The following CLYBL variants were observed in gnomAD, a reference collection of about 807,000 sequenced individuals.
CLYBL encodes the protein citramalyl-CoA lyase.
In CLYBL, 31 loss-of-function variants were observed where a neutral mutation model predicts 38.9. The observed-to-expected ratio is 0.80, with a 90% confidence interval of 0.60 to 1.08. The LOEUF (loss-of-function observed/expected upper bound fraction) is 1.08. CLYBL is among the 50% of genes least tolerant of loss of function. The pLI, the probability that CLYBL is intolerant of heterozygous loss-of-function variation, is 0.00. For missense variants in CLYBL, 434 were observed against 411.6 expected, an observed-to-expected ratio of 1.05 and a Z score of -0.47; for synonymous variants, 171 against 158.6, an observed-to-expected ratio of 1.08 and a Z score of -0.59.
intron 2 of CLYBL, among the ~76,000 whole-genome samples, chr13:99,818,415 C>T (rs987881175): frequency 2.0e-5 from 3 of 149,312 alleles, no homozygotes; most frequent in Non-Finnish European, 3.0e-5. Flanking sequence ...CCACTGGCAG[C>T]CAGGACCCCT....
chr13:99,788,118 C>A (rs2049837534), intron 2 of CLYBL, among the ~76,000 whole-genome samples: 1 of 152,170 alleles, frequency 6.6e-6, no homozygotes, highest in African/African-American at 2.4e-5. Context: ...ATGGAGTTTT[C>A]TAAATATACA....
intron 7 of CLYBL, 48 bp from the exon 8 acceptor site, chr13:99,891,270 T>C: frequency 7.4e-7 from 1 of 1,351,458 alleles, no homozygotes; most frequent in Non-Finnish European, 1.1e-6. Flanking sequence ...AAAGGAAACC[T>C]ATAATTTCGA....
At chr13:99,692,305 T>G (rs2047917980) in intron 1 of CLYBL, among the ~76,000 whole-genome samples, 1 of 150,430 alleles carries the variant, frequency 6.6e-6, no homozygotes. Context: ...TTTTTGTTTG[T>G]TTTTTTGAGA....
chr13:99,806,571 G>A (rs1278816393), intron 2 of CLYBL, among the ~76,000 whole-genome samples: 2 of 152,062 alleles, frequency 1.3e-5, no homozygotes, highest in African/African-American at 2.4e-5. Context: ...ATTTCATTTT[G>A]TTAAGCCTCA....
At chr13:99,668,604 A>G (rs1187442722) in intron 1 of CLYBL, among the ~76,000 whole-genome samples, 2 of 152,022 alleles carry the variant, frequency 1.3e-5, no homozygotes, top group Non-Finnish European at 2.9e-5. Flanking sequence ...AAAAAAGAAA[A>G]AAAGAATATT....
At chr13:99,661,256 TAGA>T (rs2047404618) in intron 1 of CLYBL, among the ~76,000 whole-genome samples, 1 of 152,138 alleles carries the variant, frequency 6.6e-6, no homozygotes, top group Non-Finnish European at 1.5e-5. Flanking sequence ...GAAAAAAAAG[TAGA>T]AGAATTTCCA....
intron 2 of CLYBL, among the ~76,000 whole-genome samples, chr13:99,777,183 A>G (rs1265910583): frequency 6.6e-6 from 1 of 151,896 alleles, no homozygotes. Flanking sequence ...CCCACGCCCA[A>G]CCCAGTTCGT....
At chr13:99,639,858 G>C (rs7987145) in intron 1 of CLYBL, among the ~76,000 whole-genome samples, 105,350 of 152,162 alleles carry the variant, frequency 0.69, 37,839 homozygotes, top group East Asian at 0.89. Flanking sequence ...GATTGTACCA[G>C]TGCACTCTAG....
chr13:99,798,829 A>G (rs527491002), intron 2 of CLYBL, among the ~76,000 whole-genome samples: 33 of 152,368 alleles, frequency 2.2e-4, no homozygotes, highest in Non-Finnish European at 3.4e-4. Context: ...GTTAATGCCA[A>G]TAGGGATTAA....
At chr13:99,679,779 A>G (rs2047708199) in intron 1 of CLYBL, among the ~76,000 whole-genome samples, 1 of 152,154 alleles carries the variant, frequency 6.6e-6, no homozygotes. Context: ...AAGCATTTCT[A>G]TGGATTCCTC....
At chr13:99,824,257 G>GCCCCTC (rs2050646935) in intron 2 of CLYBL, among the ~76,000 whole-genome samples, 1 of 130,414 alleles carries the variant, frequency 7.7e-6, no homozygotes, top group Non-Finnish European at 1.6e-5. Context: ...CTGACTAATA[G>GCCCCTC]CCCCCCCCAC....
At chr13:99,845,168 C>T (rs537717570) in intron 2 of CLYBL, among the ~76,000 whole-genome samples, 6 of 152,274 alleles carry the variant, frequency 3.9e-5, no homozygotes, top group African/African-American at 9.6e-5. Context: ...ATCTTCATCT[C>T]GCATGAAGGA....
intron 1 of CLYBL, among the ~76,000 whole-genome samples, chr13:99,749,179 CAA>C (rs986504755): frequency 8.6e-5 from 10 of 116,416 alleles, no homozygotes; most frequent in Admixed American, 9.2e-5. Flanking sequence ...GACTCTGTCT[CAA>C]AAAAAAAAAA....
chr13:99,767,719 C>G (rs1317404337), intron 1 of CLYBL, among the ~76,000 whole-genome samples: 1 of 152,164 alleles, frequency 6.6e-6, no homozygotes, highest in Non-Finnish European at 1.5e-5. Flanking sequence ...CTTCTGCCTG[C>G]CAAATCTGCC....
intron 1 of CLYBL, among the ~76,000 whole-genome samples, chr13:99,679,760 T>C (rs1594116147): frequency 6.6e-6 from 1 of 151,934 alleles, no homozygotes; most frequent in African/African-American, 2.4e-5. Context: ...CTGGTAGAAA[T>C]GGGAAGAAAA....
intron 2 of CLYBL, among the ~76,000 whole-genome samples, chr13:99,818,424 C>T (rs1473879432): frequency 1.3e-5 from 2 of 148,976 alleles, no homozygotes; most frequent in Non-Finnish European, 3.0e-5. Context: ...GCCAGGACCC[C>T]TGAAGATCAC....
chr13:99,904,897 G>T (rs2052679080), intron 8 of CLYBL, among the ~76,000 whole-genome samples: 1 of 152,190 alleles, frequency 6.6e-6, no homozygotes, highest in Non-Finnish European at 1.5e-5. Flanking sequence ...CCTCCCTCTT[G>T]TAAGAAGCTC....
chr13:99,908,917 GATATAGAA>G, exon 10 of CLYBL, among the ~76,000 whole-genome samples: 1 of 152,256 alleles, frequency 6.6e-6, no homozygotes, highest in South Asian at 2.1e-4. Context: ...AGAGGCTGAG[GATATAGAA>G]ATATGTAACT....
At chr13:99,903,349 A>G (rs554607104) in intron 8 of CLYBL, among the ~76,000 whole-genome samples, 1 of 152,226 alleles carries the variant, frequency 6.6e-6, no homozygotes, top group Admixed American at 6.5e-5. Flanking sequence ...ATCCCAGCAG[A>G]GGCTCATTGC....
Sources: allele counts gnomAD v4.1 joint callset (sites outside exome capture counted in the v4.1 genomes callset), GRCh38; gene constraint gnomAD v4.1.1; transcripts MANE v1.5; gene names NCBI Gene and HGNC (gene_info 2026-07-23, HGNC 2026-07-21).